The following CCDC178 variants were observed in gnomAD, a reference collection of about 807,000 sequenced individuals.
The protein encoded by CCDC178 is coiled-coil domain-containing protein 178.
Under a neutral mutation model 117.4 loss-of-function variants are expected in CCDC178, and 126 were observed. The ratio of observed to expected loss-of-function variants is 1.07; its 90% CI spans 0.93 to 1.24. CCDC178 has a LOEUF of 1.24. Ranked by LOEUF, CCDC178 falls within the 50% of genes most tolerant of loss-of-function variation. CCDC178 has a pLI of 0.00. For synonymous variants in CCDC178, 283 were observed against 313.4 expected (o/e 0.90, Z 1.02); for missense variants, 1,030 against 986.9 (o/e 1.04, Z -0.59).
At chr18:33,028,227 A>G (rs1168174101) in intron 21 of CCDC178, among the ~76,000 whole-genome samples, 1 of 151,784 alleles carries the variant, frequency 6.6e-6, no homozygotes, top group Non-Finnish European at 1.5e-5. Context: ...AATAAAATAA[A>G]ACAAAATAGG....
intron 21 of CCDC178, among the ~76,000 whole-genome samples, chr18:32,982,233 A>G (rs901679584): frequency 2.6e-5 from 4 of 152,136 alleles, no homozygotes; most frequent in South Asian, 2.1e-4. Context: ...CCCTGGAAAA[A>G]AAGAAAGGGA....
chr18:33,364,558 G>A (rs1034946500), intron 6 of CCDC178, among the ~76,000 whole-genome samples: 4 of 151,906 alleles, frequency 2.6e-5, no homozygotes, highest in Admixed American at 2.0e-4. Flanking sequence ...ATTTTTTAAA[G>A]ACAGAATGCT....
At chr18:33,097,279 G>A (rs1210301424) in intron 20 of CCDC178, among the ~76,000 whole-genome samples, 25 of 152,092 alleles carry the variant, frequency 1.6e-4, no homozygotes, top group Admixed American at 1.6e-3. Flanking sequence ...CCATGTGTAG[G>A]TGTTCCAGCA....
chr18:33,187,206 C>G (rs1568042242), intron 20 of CCDC178, among the ~76,000 whole-genome samples: 1 of 151,888 alleles, frequency 6.6e-6, no homozygotes, highest in Non-Finnish European at 1.5e-5. Context: ...GGAAACCAAC[C>G]CCATGATCCA....
chr18:33,076,225 T>G (rs1453146974), intron 21 of CCDC178, among the ~76,000 whole-genome samples: 1 of 152,194 alleles, frequency 6.6e-6, no homozygotes, highest in Non-Finnish European at 1.5e-5. Flanking sequence ...TGGTGCTCAG[T>G]CCCGACAATC....
At chr18:33,430,991 C>A (rs573506542) in intron 2 of CCDC178, among the ~76,000 whole-genome samples, 4 of 150,156 alleles carry the variant, frequency 2.7e-5, no homozygotes, top group African/African-American at 7.3e-5. Flanking sequence ...AGGAGAATGG[C>A]GTGAACCCAG....
intron 22 of CCDC178, among the ~76,000 whole-genome samples, chr18:32,939,388 G>GA (rs1168475839): frequency 6.6e-6 from 1 of 151,798 alleles, no homozygotes; most frequent in Non-Finnish European, 1.5e-5. Flanking sequence ...AATAAAGCCT[G>GA]AAAAAAATCA....
chr18:33,148,240 A>G (rs2058295952), intron 20 of CCDC178, among the ~76,000 whole-genome samples: 1 of 152,188 alleles, frequency 6.6e-6, no homozygotes, highest in African/African-American at 2.4e-5. Context: ...CGGCCAACAC[A>G]GCCAAACCCC....
At chr18:33,140,558 G>C (rs2058189764) in intron 20 of CCDC178, among the ~76,000 whole-genome samples, 1 of 152,140 alleles carries the variant, frequency 6.6e-6, no homozygotes. Flanking sequence ...TTTCAGACTT[G>C]CATGGGACCT....
chr18:33,050,133 T>G (rs1311424098), intron 21 of CCDC178, among the ~76,000 whole-genome samples: 2 of 152,122 alleles, frequency 1.3e-5, no homozygotes, highest in East Asian at 3.8e-4. Flanking sequence ...AAGATCACAT[T>G]ATTTATTTGT....
At chr18:33,053,235 C>CATT (rs2056774928) in intron 21 of CCDC178, among the ~76,000 whole-genome samples, 1 of 152,100 alleles carries the variant, frequency 6.6e-6, no homozygotes, top group Non-Finnish European at 1.5e-5. Context: ...CACAGTCTAC[C>CATT]TACTGAGATG....
At chr18:33,051,222 T>C (rs1419942337) in intron 21 of CCDC178, among the ~76,000 whole-genome samples, 3 of 152,056 alleles carry the variant, frequency 2.0e-5, no homozygotes, top group African/African-American at 4.8e-5. Flanking sequence ...TGATCATCAA[T>C]GTTTTCACCC....
rs2058233785 is a variant in CCDC178, at chr18:33,143,482, T to C, written c.2239-50572A>G. 7.2e-5 allele frequency among the ~76,000 whole-genome samples: 11 copies of C among 152,166 alleles called. No homozygotes were observed. In the South Asian group the frequency reaches 2.3e-3, roughly 31 times the overall value. ...CTGCTGTATCTCTATATTTTTGTTGTAAACAGATTATGACTAAATAAGTGT... is the reference window on the plus strand; with the variant it reads ...CTGCTGTATCTCTATATTTTTGTTGCAAACAGATTATGACTAAATAAGTGT... On this transcript the variant is annotated intron_variant, in intron 20 of 22. Coordinates refer to ENST00000383096, the MANE Select transcript of CCDC178 (RefSeq NM_001105528.4).
chr18:33,213,425 T>G (rs2059129581), intron 19 of CCDC178, among the ~76,000 whole-genome samples: 1 of 151,902 alleles, frequency 6.6e-6, no homozygotes, highest in Admixed American at 6.6e-5. Context: ...CATTCCAAAT[T>G]ATTAAGTGAT....
At chr18:32,946,558 T>C (rs989249080) in intron 22 of CCDC178, among the ~76,000 whole-genome samples, 1 of 152,242 alleles carries the variant, frequency 6.6e-6, no homozygotes, top group Non-Finnish European at 1.5e-5. Flanking sequence ...ACAAATCACA[T>C]GCTCCCCAAG....
chr18:33,163,286 A>T (rs2058489149), intron 20 of CCDC178, among the ~76,000 whole-genome samples: 1 of 152,144 alleles, frequency 6.6e-6, no homozygotes, highest in Admixed American at 6.6e-5. Context: ...AAATTTTCAG[A>T]AGTCAAGTTA....
At chr18:33,376,378 C>A (rs533141534) in intron 5 of CCDC178, among the ~76,000 whole-genome samples, 1 of 152,208 alleles carries the variant, frequency 6.6e-6, no homozygotes, top group East Asian at 1.9e-4. Flanking sequence ...TAAAGATGTT[C>A]CAAAATAAAA....
intron 21 of CCDC178, among the ~76,000 whole-genome samples, chr18:33,060,032 T>C (rs534878952): frequency 6.6e-6 from 1 of 152,320 alleles, no homozygotes; most frequent in East Asian, 1.9e-4. Context: ...GGGTTAAACT[T>C]ACATATACTT....
intron 21 of CCDC178, among the ~76,000 whole-genome samples, chr18:33,041,802 G>A (rs897938158): frequency 5.3e-5 from 8 of 151,588 alleles, no homozygotes; most frequent in African/African-American, 1.7e-4. Flanking sequence ...TCAACAAAGA[G>A]GTTAAATATA....
Sources: allele counts gnomAD v4.1 joint callset (sites outside exome capture counted in the v4.1 genomes callset), GRCh38; gene constraint gnomAD v4.1.1; transcripts MANE v1.5; gene names NCBI Gene and HGNC (gene_info 2026-07-23, HGNC 2026-07-21).